The following ALMS1 variants were observed in gnomAD, a reference collection of about 807,000 sequenced individuals.
The protein encoded by ALMS1 is centrosome-associated protein ALMS1.
A neutral mutation model predicts 352.2 loss-of-function variants in ALMS1; 271 were observed. That is an observed-to-expected ratio of 0.77 (90% CI 0.70 to 0.85). The LOEUF is 0.85. Among genes scored for constraint, ALMS1 ranks in the 40% least tolerant of loss-of-function variants. ALMS1 has a pLI of 0.00. For synonymous variants in ALMS1, 1,865 were observed against 1,761.2 expected, an observed-to-expected ratio of 1.06 and a Z score of -1.48; for missense variants, 5,445 against 4,870.7, an observed-to-expected ratio of 1.12 and a Z score of -3.51.
rs1432292543 is a variant in ALMS1, at chr2:73,455,170, A to G, written c.7549A>G (p.Met2517Val). 1.2e-6 allele frequency: 2 copies of G among 1,614,056 alleles called. No homozygotes were observed. The highest frequency in any genetic ancestry group is 1.7e-5 in the Admixed American group (1 of 60,032). ...GTATGCTTTCTCTCCAGCCTGGAAT[A>G]TGAAGTTCAATTTAGCACATGATTG... ...ESRVRAHAWNMKFNLAHDCGY... is the reference protein window; with the variant it reads ...ESRVRAHAWNVKFNLAHDCGY... The change falls in exon 9 of 23, where the codon ATG becomes GTG. Residue 2517 changes from methionine to valine, a missense_variant. Physicochemically the swap from Met to Val is conservative, Grantham distance 21. Coordinates refer to ENST00000613296, the MANE Select transcript of ALMS1 (RefSeq NM_001378454.1).
Position 73,602,307 on chromosome 2 carries a change from A to G in ALMS1, c.12237A>G (p.Leu4079=), listed in dbSNP as rs780806925. 1.6e-5 allele frequency: 26 copies of G among 1,614,116 alleles called. No homozygotes were observed. Among genetic ancestry groups the G allele is most frequent in the Admixed American group, 1.7e-5 (1 of 60,012 alleles). The change falls in exon 20 of 23, where the codon CTA becomes CTG. Residue 4079 remains leucine (L), a synonymous_variant. Transcript: ENST00000613296. ...QSMLQTERDA[L]FNIDRERQGH... is the part of the protein sequence containing the mutation. Reference sequence around the variant, plus strand: ...TGTTACAGACCGAGCGGGATGCACTATTCAACATTGACAGGGAACGGCAGG... The same window carrying G: ...TGTTACAGACCGAGCGGGATGCACTGTTCAACATTGACAGGGAACGGCAGG...
chr2:73,527,683 T>C (rs936628528), intron 11 of ALMS1, among the ~76,000 whole-genome samples: 4 of 152,132 alleles, frequency 2.6e-5, no homozygotes, highest in African/African-American at 9.6e-5. Context: ...GGTTTGTCGA[T>C]TTTGTTTATC....
intron 1 of ALMS1, among the ~76,000 whole-genome samples, chr2:73,393,473 G>A (rs530266074): frequency 6.6e-5 from 10 of 151,874 alleles, no homozygotes; most frequent in African/African-American, 2.2e-4. Flanking sequence ...ATTGCATAGC[G>A]GTAAAGTCAG....
rs146895530 is a variant in ALMS1 at position 73,431,560 on chromosome 2, C to G, written c.1339-638C>G. On this transcript the variant is annotated intron_variant, in intron 6 of 22. Transcript: ENST00000613296. Reference sequence around the variant, plus strand: ...TTTCTAATTTCTTTTCTAGCAAGAACTTGTGACTTGATGAAACATTAGGAA... The same window carrying G: ...TTTCTAATTTCTTTTCTAGCAAGAAGTTGTGACTTGATGAAACATTAGGAA... Among the ~76,000 whole-genome samples, 3 of 152,254 alleles carry G rather than the reference C, an allele frequency of 2.0e-5. No homozygotes were observed. In the East Asian group the frequency reaches 5.8e-4, roughly 29 times the overall value.
chr2:73,583,816 G>GT (rs2104139102), intron 16 of ALMS1, among the ~76,000 whole-genome samples: 1 of 152,178 alleles, frequency 6.6e-6, no homozygotes, highest in South Asian at 2.1e-4. Flanking sequence ...TTCTGGGCAT[G>GT]TTTTCTTATT....
rs139418757 is a variant in ALMS1 at position 73,586,685 on chromosome 2, G to C, written c.11548-12716G>C. On this transcript the variant is annotated intron_variant, in intron 16 of 22. Coordinates refer to ENST00000613296, the MANE Select transcript of ALMS1 (RefSeq NM_001378454.1). ...TAGTTTGAAGTCAGGTAATAAGGAG[G>C]CCTCCAGGTTTGTTCTTTTTGCTTA... is the stretch of plus-strand genomic sequence containing the variant. 3.8e-3 allele frequency among the ~76,000 whole-genome samples: 580 copies of C among 152,176 alleles called. 2 individuals are homozygous for C. The highest frequency in any genetic ancestry group is 0.013 in the African/African-American group (552 of 41,530).
In ALMS1 at chr2:73,535,942, G is replaced by T. The variant is rs556913450; in HGVS notation, c.9907+993G>T. ...GCAGACATTTTTGTTACTTTGATAT[G>T]AAAGAGAACCAAACTAGCTTCTGAT... On this transcript the variant is annotated intron_variant, in intron 12 of 22. Transcript: ENST00000613296. 7.2e-5 allele frequency among the ~76,000 whole-genome samples: 11 copies of T among 152,222 alleles called. No individual in the cohort carries two copies. In the South Asian group the frequency reaches 2.3e-3, roughly 32 times the overall value.
At chr2:73,386,759 CCAAA>C (rs1475635188) in intron 1 of ALMS1, among the ~76,000 whole-genome samples, 1 of 152,072 alleles carries the variant, frequency 6.6e-6, no homozygotes, top group Non-Finnish European at 1.5e-5. Context: ...TGATGCGGCT[CCAAA>C]CAGTCTGCAA....
intron 7 of ALMS1, among the ~76,000 whole-genome samples, chr2:73,444,785 A>T (rs1449922540): frequency 6.6e-6 from 1 of 152,178 alleles, no homozygotes; most frequent in Non-Finnish European, 1.5e-5. Flanking sequence ...ATCCTGTTTG[A>T]ACTGTGATAT....
rs1671986841 is a variant in ALMS1 at position 73,453,216 on chromosome 2, G to C, written c.6689G>C (p.Arg2230Thr). 1.9e-6 allele frequency: 3 copies of C among 1,614,004 alleles called. No individual in the cohort carries two copies. Among genetic ancestry groups the C allele is most frequent in the Non-Finnish European group, 2.5e-6 (3 of 1,179,980 alleles). Residue 2230 changes from arginine (R) to threonine (T), a missense_variant, in exon 8 of 23, where the codon AGA becomes ACA. Physicochemically the swap from Arg to Thr is moderately conservative, Grantham distance 71 (BLOSUM62 -1). Transcript: ENST00000613296. ...CTTTTAAATTCTCAGGCTGATGACA[G>C]AGTTGTAATAAATAAACCAGAATCT... ...NVLLNSQADDRVVINKPESAG... is the reference protein window; with the variant it reads ...NVLLNSQADDTVVINKPESAG...
intron 9 of ALMS1, among the ~76,000 whole-genome samples, chr2:73,464,540 C>T (rs572076002): frequency 6.6e-6 from 1 of 152,182 alleles, no homozygotes; most frequent in South Asian, 2.1e-4. Flanking sequence ...AGGCACAAGA[C>T]AGGGGTGCCC....
intron 12 of ALMS1, among the ~76,000 whole-genome samples, chr2:73,544,537 G>A (rs1329735529): frequency 1.3e-5 from 2 of 151,928 alleles, no homozygotes; most frequent in African/African-American, 4.8e-5. Flanking sequence ...AAATAAAAAA[G>A]CAAAGAATGG....
chr2:73,482,592 TAA>T (rs1279531003), intron 9 of ALMS1, among the ~76,000 whole-genome samples: 1 of 152,224 alleles, frequency 6.6e-6, no homozygotes, highest in Non-Finnish European at 1.5e-5. Flanking sequence ...GCTGGCCTCA[TAA>T]AAAGAGTTAG....
intron 10 of ALMS1, among the ~76,000 whole-genome samples, chr2:73,503,703 A>C (rs564749785): frequency 9.8e-5 from 15 of 152,300 alleles, no homozygotes; most frequent in Admixed American, 4.6e-4. Flanking sequence ...GAACTAGTTT[A>C]CAGTCCCACC....
chr2:73,588,534 C>G (rs1040468812), intron 16 of ALMS1, among the ~76,000 whole-genome samples: 3 of 152,022 alleles, frequency 2.0e-5, no homozygotes, highest in Non-Finnish European at 2.9e-5. Context: ...TCTTTCCTGT[C>G]TCCCTTCTGC....
Position 73,530,121 on chromosome 2 carries a change from C to T in ALMS1, c.9782-4703C>T, listed in dbSNP as rs115689058. Reference sequence around the variant, plus strand: ...TTTCACATTTAAAAACCAATCATGCCTTCCCAATAGTCCCCCAGAATCAAC... The same window carrying T: ...TTTCACATTTAAAAACCAATCATGCTTTCCCAATAGTCCCCCAGAATCAAC... On this transcript the variant is annotated intron_variant, in intron 11 of 22. Coordinates refer to ENST00000613296, the MANE Select transcript of ALMS1 (RefSeq NM_001378454.1). Among the ~76,000 whole-genome samples the T allele has an allele frequency of 9.8e-3, 1,495 of 152,294 alleles. 28 individuals carry two copies. The highest frequency in any genetic ancestry group is 0.034 in the African/African-American group (1,403 of 41,564).
chr2:73,560,438 T>C (rs1674633048), intron 15 of ALMS1, among the ~76,000 whole-genome samples: 1 of 152,176 alleles, frequency 6.6e-6, no homozygotes, highest in South Asian at 2.1e-4. Flanking sequence ...TTGTTCACCA[T>C]TGGTGGGAAT....
At chr2:73,438,994 TTCC>T (rs1671660825) in intron 7 of ALMS1, among the ~76,000 whole-genome samples, 1 of 77,418 alleles carries the variant, frequency 1.3e-5, no homozygotes, top group African/African-American at 1.1e-4. Flanking sequence ...TTTCTTCTTC[TTCC>T]TCTTCTTCCT....
chr2:73,534,813 T>A lies in ALMS1; in HGVS notation c.9782-11T>A, dbSNP rs1429894582. 6.2e-7 allele frequency: 1 copy of A among 1,612,556 alleles called. No homozygotes were observed. The highest frequency in any genetic ancestry group is 8.5e-7 in the Non-Finnish European group (1 of 1,178,836). On this transcript the variant is annotated splice_polypyrimidine_tract_variant and intron_variant, in intron 11 of 22. Coordinates refer to ENST00000613296, the MANE Select transcript of ALMS1 (RefSeq NM_001378454.1). ...TTTTCATATTAATTGTTCTGATTTT[T>A]ACCTCCTTAGGCCAGCCTTTATTAT...
Sources: allele counts gnomAD v4.1 joint callset (sites outside exome capture counted in the v4.1 genomes callset), GRCh38; gene constraint gnomAD v4.1.1; transcripts MANE v1.5; gene names NCBI Gene and HGNC (gene_info 2026-07-23, HGNC 2026-07-21).